Variants in CPB1 observed in about 807,000 individuals in gnomAD.
CPB1 encodes the protein carboxypeptidase B.
Under a neutral mutation model 51.4 loss-of-function variants are expected in CPB1, and 53 were observed. The ratio of observed to expected loss-of-function variants is 1.03; its 90% CI spans 0.83 to 1.30. CPB1 has a LOEUF of 1.30. Ranked by LOEUF, CPB1 falls within the 50% of genes most tolerant of loss-of-function variation. CPB1 has a pLI of 0.00. For synonymous variants in CPB1, 189 were observed against 186.9 expected, an observed-to-expected ratio of 1.01 and a Z score of -0.09; for missense variants, 494 against 516.2, an observed-to-expected ratio of 0.96 and a Z score of 0.42.
chr3:148,847,767 T>C (rs1470518241), intron 9 of CPB1, among the ~76,000 whole-genome samples: 2 of 152,188 alleles, frequency 1.3e-5, no homozygotes, highest in African/African-American at 4.8e-5. Flanking sequence ...ATCTTGGATG[T>C]TTGTTTCTAC....
chr3:148,859,906 C>T lies in CPB1; in HGVS notation c.1158C>T (p.Gly386=), dbSNP rs1559963384. 1.9e-6 allele frequency: 3 copies of T among 1,614,154 alleles called. No individual in the cohort carries two copies. The highest frequency in any genetic ancestry group is 2.5e-6 in the Non-Finnish European group (3 of 1,180,018). The change falls in exon 11 of 11, where the codon GGC becomes GGT. Residue 386 remains glycine, a synonymous_variant. Coordinates refer to ENST00000282957, the MANE Select transcript of CPB1 (RefSeq NM_001871.3). ...TFELRDTGRY[G]FLLPESQIRA... ...AACTTCGAGATACAGGCAGATATGG[C>T]TTTCTCCTTCCAGAATCCCAGATCC...
chr3:148,834,379 A>C (rs1712829347), intron 2 of CPB1, 119 bp from the exon 3 acceptor site: 5 of 996,732 alleles, frequency 5.0e-6, no homozygotes, highest in Non-Finnish European at 4.6e-6. Flanking sequence ...TATTTTCAAC[A>C]GATTTCATGG....
chr3:148,858,003 G>T (rs1402827320), intron 10 of CPB1, among the ~76,000 whole-genome samples: 3 of 152,056 alleles, frequency 2.0e-5, no homozygotes, highest in African/African-American at 7.2e-5. Context: ...GCCTTACTAG[G>T]CACTAAGAGA....
chr3:148,853,304 G>T (rs1350302591), intron 9 of CPB1, among the ~76,000 whole-genome samples: 1 of 152,192 alleles, frequency 6.6e-6, no homozygotes, highest in Non-Finnish European at 1.5e-5. Context: ...GTGTACAAGA[G>T]ATTGGAACAA....
At chr3:148,847,354 A>T (rs1250578119) in intron 9 of CPB1, among the ~76,000 whole-genome samples, 1 of 145,366 alleles carries the variant, frequency 6.9e-6, no homozygotes, top group Non-Finnish European at 1.5e-5. Flanking sequence ...GCTACTCTAA[A>T]AGTCTCCAAA....
intron 9 of CPB1, among the ~76,000 whole-genome samples, chr3:148,847,760 T>C (rs998676598): frequency 6.6e-6 from 1 of 152,184 alleles, no homozygotes; most frequent in Non-Finnish European, 1.5e-5. Context: ...TAATCTTATC[T>C]TGGATGTTTG....
chr3:148,848,954 A>G (rs1713335998), intron 9 of CPB1, among the ~76,000 whole-genome samples: 1 of 152,202 alleles, frequency 6.6e-6, no homozygotes, highest in Non-Finnish European at 1.5e-5. Context: ...CAAGAATACA[A>G]AGTGCACTCT....
intron 9 of CPB1, among the ~76,000 whole-genome samples, chr3:148,847,099 A>G (rs1225617995): frequency 6.6e-6 from 1 of 151,004 alleles, no homozygotes; most frequent in East Asian, 1.9e-4. Context: ...AAATAAAAAA[A>G]TTACAAAACA....
At chr3:148,829,086 C>T (rs1712655284) in intron 2 of CPB1, among the ~76,000 whole-genome samples, 1 of 152,136 alleles carries the variant, frequency 6.6e-6, no homozygotes, top group South Asian at 2.1e-4. Flanking sequence ...TGTTTTCTTC[C>T]TTATTCTGAG....
At chr3:148,847,411 G>A (rs1349569003) in intron 9 of CPB1, among the ~76,000 whole-genome samples, 1 of 140,202 alleles carries the variant, frequency 7.1e-6, no homozygotes, top group Non-Finnish European at 1.5e-5. Context: ...AGTAAGTCCT[G>A]CCTTTAGAAT....
Position 148,857,062 on chromosome 3 carries a change from G to GTTTTTTTGTT in CPB1, c.982-388_982-387insGTTTTTTTTT, listed in dbSNP as rs750155151. 44 of 48,132 alleles carry GTTTTTTTGTT rather than the reference G, an allele frequency of 9.1e-4. 1 individual carries two copies. The highest frequency in any genetic ancestry group is 3.5e-3 in the African/African-American group (36 of 10,184). The allele number at this position is 48,132 out of a possible 1,614,324, so 3.0% of individuals were successfully genotyped here. ...TTTATAAACTGCCACATTGCCAAGTGTTTTTTTTTTTTTTTTTTTTTTGCT... is the reference window on the plus strand; with the variant it reads ...TTTATAAACTGCCACATTGCCAAGTGTTTTTTTGTTTTTTTTTTTTTTTTTTTTTTTTGCT... On this transcript the variant is annotated intron_variant, in intron 9 of 10. Coordinates refer to ENST00000282957, the MANE Select transcript of CPB1 (RefSeq NM_001871.3).
chr3:148,844,669 A>G lies in CPB1; in HGVS notation c.688-8A>G, dbSNP rs940772117. The G allele has an allele frequency of 6.8e-6, 11 of 1,613,790 alleles. No individual in the cohort carries two copies. The highest frequency in any genetic ancestry group is 9.3e-6 in the Non-Finnish European group (11 of 1,179,822). On this transcript the variant is annotated splice_region_variant and splice_polypyrimidine_tract_variant and intron_variant, in intron 7 of 10. Transcript: ENST00000282957. ...TATATTTGTCCTAACTATGTAGTCC[A>G]CTTTCAGAGCCGATTTTGGAGAAAG...
chr3:148,834,378 C>A, intron 2 of CPB1, 120 bp from the exon 3 acceptor site: 1 of 985,776 alleles, frequency 1.0e-6, no homozygotes, highest in Non-Finnish European at 1.6e-6. Context: ...ATATTTTCAA[C>A]AGATTTCATG....
intron 2 of CPB1, among the ~76,000 whole-genome samples, chr3:148,831,388 A>G (rs1460962260): frequency 2.0e-5 from 3 of 152,236 alleles, no homozygotes; most frequent in Non-Finnish European, 4.4e-5. Flanking sequence ...CCAACAAAAA[A>G]GGAAAATTTC....
At chr3:148,859,753 C>T (rs1713694508) in intron 10 of CPB1, 62 bp from the exon 11 acceptor site, 7 of 1,485,848 alleles carry the variant, frequency 4.7e-6, no homozygotes, top group Non-Finnish European at 5.4e-6. Flanking sequence ...AAGAAACTGG[C>T]AATTTTTTAA....
rs1713508698 is a variant in CPB1, at chr3:148,854,183, T to G, written c.982-3274T>G. The stretch of plus-strand genomic sequence containing the variant: ...CCATTCTTAGCAGGGGTCAGTCATC[T>G]GGGTTGATTGGAACATTCCCACTGA... On this transcript the variant is annotated intron_variant, in intron 9 of 10. Coordinates refer to ENST00000282957, the MANE Select transcript of CPB1 (RefSeq NM_001871.3). The G allele has an allele frequency of 1.3e-5, 2 of 152,350 alleles. 1 individual carries two copies. Among genetic ancestry groups the G allele is most frequent in the South Asian group, 4.1e-4 (2 of 4,826 alleles). The allele number at this position is 152,350 out of a possible 1,614,324, so 9.4% of individuals were successfully genotyped here. A position where few individuals can be genotyped will look rare whatever the true frequency, so the allele number is the denominator to read the frequency against.
At chr3:148,829,347 C>T (rs1012252665) in intron 2 of CPB1, among the ~76,000 whole-genome samples, 15 of 152,158 alleles carry the variant, frequency 9.9e-5, no homozygotes, top group Non-Finnish European at 1.9e-4. Context: ...AGGGCCATTG[C>T]TTGCCTTCAT....
chr3:148,857,702 A>AAAG, intron 10 of CPB1, 161 bp downstream of exon 10: 2 of 523,402 alleles, frequency 3.8e-6, no homozygotes, highest in African/African-American at 1.9e-5. Flanking sequence ...AAAAAAAAAA[A>AAAG]GGAGGGAAAG....
chr3:148,828,664 C>T (rs550574577), intron 2 of CPB1, among the ~76,000 whole-genome samples: 7 of 152,306 alleles, frequency 4.6e-5, no homozygotes, highest in Non-Finnish European at 1.0e-4. Context: ...GAGGTGAGAA[C>T]TGACATTTTA....
Sources: gnomAD v4.1 joint callset for allele counts (sites outside exome capture counted in the v4.1 genomes callset) on GRCh38, gnomAD v4.1.1 for gene constraint, MANE v1.5 for transcripts, NCBI Gene and HGNC (gene_info 2026-07-23, HGNC 2026-07-21) for gene names.